The following LARP4B variants were observed in gnomAD, a reference collection of about 807,000 sequenced individuals.
LARP4B encodes the protein la-related protein 4B.
LARP4B carries 12 observed loss-of-function variants against 89.8 expected under a neutral mutation model. That is an observed-to-expected ratio of 0.13 (90% CI 0.09 to 0.22). The LOEUF is 0.22. LARP4B is among the 10% of genes least tolerant of loss of function. The pLI is 1.00. For missense variants in LARP4B, 757 were observed against 947.7 expected, an observed-to-expected ratio of 0.80 and a Z score of 2.64; for synonymous variants, 367 against 363.3, an observed-to-expected ratio of 1.01 and a Z score of -0.12.
At chr10:973,033 A>G in the LARP4B span, 1 of 377,124 alleles carries the variant, frequency 2.7e-6, no homozygotes. Context: ...TAATGGGAGA[A>G]GTCGAGGGGC....
At chr10:877,524 A>G (rs947157713) in intron 3 of LARP4B, among the ~76,000 whole-genome samples, 2 of 152,220 alleles carry the variant, frequency 1.3e-5, no homozygotes, top group Non-Finnish European at 2.9e-5. Context: ...CTCTGAAGCC[A>G]GATTGCCTGG....
chr10:838,721 A>G (rs1833362001), intron 7 of LARP4B, among the ~76,000 whole-genome samples: 1 of 152,188 alleles, frequency 6.6e-6, no homozygotes, highest in African/African-American at 2.4e-5. Context: ...TACAAAACAA[A>G]TAATATTCTT....
the LARP4B span, among the ~76,000 whole-genome samples, chr10:978,562 T>C: frequency 1.3e-5 from 2 of 152,180 alleles, no homozygotes; most frequent in South Asian, 4.1e-4. Flanking sequence ...TGTGTAGTTA[T>C]AATCATTAAC....
chr10:849,732 C>G (rs1362114683), intron 5 of LARP4B, among the ~76,000 whole-genome samples: 2 of 152,212 alleles, frequency 1.3e-5, no homozygotes, highest in Non-Finnish European at 2.9e-5. Context: ...TCAACACCAA[C>G]AGTGGTAAGT....
intron 1 of LARP4B, among the ~76,000 whole-genome samples, chr10:914,912 GA>G (rs1004375023): frequency 6.0e-5 from 9 of 149,376 alleles, no homozygotes; most frequent in African/African-American, 1.7e-4. Context: ...TTAATCTTGT[GA>G]AAAAAAAATT....
intron 3 of LARP4B, among the ~76,000 whole-genome samples, chr10:879,498 T>C (rs1176022104): frequency 6.7e-6 from 1 of 148,392 alleles, no homozygotes. Flanking sequence ...TCTTAGGTCT[T>C]TTGTTTTTAT....
intron 3 of LARP4B, among the ~76,000 whole-genome samples, chr10:876,058 T>C (rs1445089113): frequency 2.0e-5 from 3 of 152,146 alleles, no homozygotes; most frequent in Admixed American, 2.0e-4. Flanking sequence ...AGTTATGTGT[T>C]TCCAAAATAC....
intron 3 of LARP4B, among the ~76,000 whole-genome samples, chr10:865,831 A>G (rs1834869621): frequency 6.6e-6 from 1 of 152,216 alleles, no homozygotes; most frequent in Non-Finnish European, 1.5e-5. Context: ...CTTCTGGAGG[A>G]AGGGACAGGT....
At chr10:943,854 C>T in the LARP4B span, among the ~76,000 whole-genome samples, 98 of 151,766 alleles carry the variant, frequency 6.5e-4, 1 homozygote, top group Non-Finnish European at 1.0e-3. Flanking sequence ...GTGGTGTCCA[C>T]GTAAGCTCCA....
chr10:815,988 G>A (rs1198771918), intron 15 of LARP4B, among the ~76,000 whole-genome samples: 1 of 152,252 alleles, frequency 6.6e-6, no homozygotes, highest in East Asian at 1.9e-4. Context: ...CCGCATTTTG[G>A]GAGGCTGAGG....
At chr10:893,669 G>A (rs921080869) in intron 1 of LARP4B, among the ~76,000 whole-genome samples, 2 of 152,132 alleles carry the variant, frequency 1.3e-5, no homozygotes, top group African/African-American at 4.8e-5. Context: ...TTACTTTGTA[G>A]AATGTTCCTC....
chr10:851,771 A>T (rs1834062312), intron 5 of LARP4B, among the ~76,000 whole-genome samples: 1 of 152,142 alleles, frequency 6.6e-6, no homozygotes, highest in Non-Finnish European at 1.5e-5. Context: ...CCACAAATAA[A>T]ACTCCTGCCC....
At chr10:876,942 C>T (rs1835478627) in intron 3 of LARP4B, among the ~76,000 whole-genome samples, 1 of 152,186 alleles carries the variant, frequency 6.6e-6, no homozygotes, top group Non-Finnish European at 1.5e-5. Flanking sequence ...ATGGATGCCA[C>T]CAAGGTTTAT....
At chr10:898,556 A>C (rs7077992) in intron 1 of LARP4B, among the ~76,000 whole-genome samples, 65,236 of 152,188 alleles carry the variant, frequency 0.43, 14,285 homozygotes, top group South Asian at 0.61. Context: ...TGGATTTTCA[A>C]ATAATAGCAA....
intron 1 of LARP4B, among the ~76,000 whole-genome samples, chr10:918,762 A>G (rs1165214250): frequency 6.6e-6 from 1 of 152,134 alleles, no homozygotes; most frequent in Non-Finnish European, 1.5e-5. Context: ...CTTGTAGCAT[A>G]GGATATCTCT....
chr10:877,962 G>A (rs759127069), intron 3 of LARP4B, among the ~76,000 whole-genome samples: 3 of 152,190 alleles, frequency 2.0e-5, no homozygotes, highest in South Asian at 2.1e-4. Context: ...GTGAGGAGAC[G>A]GATGCGGATA....
intron 1 of LARP4B, among the ~76,000 whole-genome samples, chr10:929,482 G>A (rs1837241500): frequency 6.6e-6 from 1 of 152,140 alleles, no homozygotes; most frequent in Non-Finnish European, 1.5e-5. Context: ...GTAAATCCCA[G>A]CTACTCGGGG....
intron 7 of LARP4B, among the ~76,000 whole-genome samples, chr10:839,848 T>C (rs1410740333): frequency 6.6e-6 from 1 of 152,192 alleles, no homozygotes; most frequent in Non-Finnish European, 1.5e-5. Flanking sequence ...TTTACACAAG[T>C]GTCCACAGCA....
the LARP4B span, among the ~76,000 whole-genome samples, chr10:970,844 C>T: frequency 9.2e-5 from 14 of 152,246 alleles, no homozygotes; most frequent in South Asian, 2.9e-3. Context: ...AAGGCAGAGA[C>T]TGAGAAGAGA....
Sources: allele counts gnomAD v4.1 joint callset (sites outside exome capture counted in the v4.1 genomes callset), GRCh38; gene constraint gnomAD v4.1.1; transcripts MANE v1.5; gene names NCBI Gene and HGNC (gene_info 2026-07-23, HGNC 2026-07-21).